Variants in CNTN4 observed in about 807,000 individuals in gnomAD.
The protein encoded by CNTN4 is contactin-4.
CNTN4 carries 77 observed loss-of-function variants against 122.5 expected under a neutral mutation model. That is an observed-to-expected ratio of 0.63 (90% confidence interval 0.52 to 0.76). CNTN4 has a LOEUF of 0.76. Ranked by LOEUF, CNTN4 falls within the 30% of genes least tolerant of loss-of-function variation. The pLI is 0.00. For missense variants in CNTN4, 1,256 were observed against 1,259.1 expected, an observed-to-expected ratio of 1.00 and a Z score of 0.04; for synonymous variants, 512 against 447.0, an observed-to-expected ratio of 1.15 and a Z score of -1.83.
chr3:2,213,814 GT>G (rs1383988833), intron 2 of CNTN4, among the ~76,000 whole-genome samples: 1 of 152,078 alleles, frequency 6.6e-6, no homozygotes, highest in Non-Finnish European at 1.5e-5. Context: ...AAATGAATCT[GT>G]TGTGGATGTG....
intron 2 of CNTN4, among the ~76,000 whole-genome samples, chr3:2,240,325 T>A (rs2039881632): frequency 1.3e-5 from 2 of 152,158 alleles, no homozygotes; most frequent in South Asian, 4.1e-4. Flanking sequence ...TAAAGTGGGA[T>A]AATAAGGGGA....
rs2092816472 is a variant in CNTN4 at position 2,819,537 on chromosome 3, G to A, written c.410G>A (p.Gly137Asp). 2 of 1,614,018 alleles carry A rather than the reference G, an allele frequency of 1.2e-6. No homozygotes were observed. The highest frequency in any genetic ancestry group is 1.3e-5 in the African/African-American group (1 of 74,922). The change falls in exon 7 of 25, where the codon GGT becomes GAT. Residue 137 changes from glycine to aspartate, a missense_variant. Physicochemically the swap from Gly to Asp is moderately conservative, Grantham distance 94. Coordinates refer to ENST00000418658, the MANE Select transcript of CNTN4 (RefSeq NM_175607.3). ...RTRSTVSVRR[G>D]QGMVLLCGPP... ...AGAAGCACTGTGTCTGTCCGTCGAG[G>A]TCAAGGAATGGTGCTACTGTGTGGC...
intron 14 of CNTN4, among the ~76,000 whole-genome samples, chr3:3,000,923 CA>C (rs1302131605): frequency 6.9e-6 from 1 of 145,030 alleles, no homozygotes; most frequent in Non-Finnish European, 1.5e-5. Context: ...TATCCATAAT[CA>C]GCAATGCAGT....
intron 6 of CNTN4, among the ~76,000 whole-genome samples, chr3:2,809,767 T>C (rs928598757): frequency 6.6e-6 from 1 of 152,178 alleles, no homozygotes; most frequent in Non-Finnish European, 1.5e-5. Context: ...TCTCACTAAT[T>C]GTAGTAACCT....
At chr3:2,606,439 A>T (rs1286169325) in intron 4 of CNTN4, among the ~76,000 whole-genome samples, 2 of 152,128 alleles carry the variant, frequency 1.3e-5, no homozygotes, top group African/African-American at 4.8e-5. Flanking sequence ...CCATTATGGC[A>T]CACGTTTACC....
rs778168894 is a variant in CNTN4, at chr3:2,726,062, C to T, written c.56-10153C>T. On this transcript the variant is annotated intron_variant, in intron 4 of 24. Coordinates refer to ENST00000418658, the MANE Select transcript of CNTN4 (RefSeq NM_175607.3). The stretch of plus-strand genomic sequence containing the variant: ...GACGGAACTTGTTCCAGAGCTGAAA[C>T]GATGCCATCAGAACTCAGTCTGTCC... 2.0e-5 allele frequency among the ~76,000 whole-genome samples: 3 copies of T among 152,282 alleles called. No individual in the cohort carries two copies. The East Asian group carries it at 5.8e-4, about 29-fold the overall frequency.
intron 2 of CNTN4, among the ~76,000 whole-genome samples, chr3:2,169,668 A>G: frequency 6.6e-6 from 1 of 152,034 alleles, no homozygotes; most frequent in South Asian, 2.1e-4. Context: ...AAGTGCTGGG[A>G]TTACAGGCGT....
chr3:2,684,328 A>T (rs1056430647), intron 4 of CNTN4, among the ~76,000 whole-genome samples: 1 of 152,186 alleles, frequency 6.6e-6, no homozygotes, highest in Non-Finnish European at 1.5e-5. Context: ...GAAGCATTGC[A>T]GCTGAGAATC....
At chr3:2,217,534 A>C (rs1482226175) in intron 2 of CNTN4, among the ~76,000 whole-genome samples, 1 of 152,238 alleles carries the variant, frequency 6.6e-6, no homozygotes, top group East Asian at 1.9e-4. Flanking sequence ...TGAAAATCAT[A>C]ATCACTTTCA....
intron 4 of CNTN4, among the ~76,000 whole-genome samples, chr3:2,734,867 G>C (rs866429979): frequency 1.3e-5 from 2 of 152,084 alleles, no homozygotes; most frequent in African/African-American, 4.8e-5. Context: ...CACATATAAG[G>C]GGACTGCCAG....
At chr3:2,602,910 A>C (rs1273287535) in intron 4 of CNTN4, among the ~76,000 whole-genome samples, 1 of 152,192 alleles carries the variant, frequency 6.6e-6, no homozygotes, top group Non-Finnish European at 1.5e-5. Flanking sequence ...GGTTCCAGTG[A>C]GCAGACATTA....
At chr3:2,261,349 G>A (rs995319831) in intron 2 of CNTN4, among the ~76,000 whole-genome samples, 1 of 152,036 alleles carries the variant, frequency 6.6e-6, no homozygotes, top group Non-Finnish European at 1.5e-5. Flanking sequence ...AATTCTCAAA[G>A]CCCCATGAGG....
intron 13 of CNTN4, among the ~76,000 whole-genome samples, chr3:2,946,699 TTTTTC>T (rs1474737052): frequency 0.063 from 7,261 of 114,436 alleles, 186 homozygotes; most frequent in Non-Finnish European, 0.085. Context: ...CTTGCTTTTT[TTTTTC>T]TTTTTTTTTT....
chr3:2,179,297 A>G (rs961240229), intron 2 of CNTN4, among the ~76,000 whole-genome samples: 1 of 152,046 alleles, frequency 6.6e-6, no homozygotes, highest in Non-Finnish European at 1.5e-5. Flanking sequence ...GGGGGGAAAT[A>G]AGAAATGTTG....
intron 14 of CNTN4, among the ~76,000 whole-genome samples, chr3:3,019,926 A>T (rs371974356): frequency 6.6e-6 from 1 of 151,590 alleles, no homozygotes; most frequent in Non-Finnish European, 1.5e-5. Context: ...AGTTCTTTGT[A>T]CTTTTCTGGC....
At position 2,525,152 on chromosome 3, in the gene CNTN4, A is replaced by G. The variant is rs568825884; in HGVS notation, c.-88-46264A>G. On this transcript the variant is annotated intron_variant, in intron 3 of 24. Transcript: ENST00000418658. ...CTCATTTAATGCACTGGAGATAGCT[A>G]TGGTGTTCATGCAGCATGCACTGTG... is the stretch of plus-strand genomic sequence containing the variant. Among the ~76,000 whole-genome samples, 8 of 152,230 alleles carry G rather than the reference A, an allele frequency of 5.3e-5. No homozygotes were observed. In the East Asian group the frequency reaches 9.7e-4, roughly 18 times the overall value.
intron 4 of CNTN4, among the ~76,000 whole-genome samples, chr3:2,617,735 T>G (rs987291343): frequency 1.3e-5 from 2 of 152,072 alleles, no homozygotes; most frequent in Non-Finnish European, 2.9e-5. Flanking sequence ...GAAATGCCCT[T>G]TTTTTAAAGG....
intron 10 of CNTN4, among the ~76,000 whole-genome samples, chr3:2,893,577 C>T (rs73005465): frequency 0.091 from 13,806 of 151,952 alleles, 703 homozygotes; most frequent in South Asian, 0.12. Flanking sequence ...TTAAGGGGTA[C>T]GCATTAAGCA....
chr3:2,838,746 C>G (rs1292786663), intron 7 of CNTN4, among the ~76,000 whole-genome samples: 1 of 152,130 alleles, frequency 6.6e-6, no homozygotes, highest in African/African-American at 2.4e-5. Flanking sequence ...TCTGTCAGCA[C>G]CACTTCCCAA....
Sources: allele counts gnomAD v4.1 joint callset (sites outside exome capture counted in the v4.1 genomes callset), GRCh38; gene constraint gnomAD v4.1.1; transcripts MANE v1.5; gene names NCBI Gene and HGNC (gene_info 2026-07-23, HGNC 2026-07-21).